CCNB3: variants seen among roughly 807,000 people sequenced by gnomAD.
The protein encoded by CCNB3 is G2/mitotic-specific cyclin-B3.
A neutral mutation model predicts 68.0 loss-of-function variants in CCNB3; 12 were observed. That is an observed-to-expected ratio of 0.18 (90% confidence interval 0.11 to 0.29). The LOEUF is 0.29. Ranked by LOEUF, CCNB3 falls within the 10% of genes least tolerant of loss-of-function variation. The probability of loss-of-function intolerance (pLI) is 1.00; values close to 1 mark genes in which losing one functional copy is unlikely to be tolerated. For synonymous variants in CCNB3, 354 were observed against 388.9 expected (o/e 0.91, Z 1.06); for missense variants, 904 against 993.1 (o/e 0.91, Z 1.21).
intron 8 of CCNB3, among the ~76,000 whole-genome samples, chrX:50,340,651 G>A (rs1923075873): frequency 8.9e-6 from 1 of 112,034 alleles, no homozygotes; most frequent in African/African-American, 3.2e-5. Context: ...TCATATAAAG[G>A]TATTATCTAC....
intron 1 of CCNB3, among the ~76,000 whole-genome samples, chrX:50,213,981 A>G (rs1412345304): frequency 9.0e-6 from 1 of 111,581 alleles, no homozygotes; most frequent in East Asian, 2.8e-4. Context: ...CCATTACCAT[A>G]ATCAAGGTAG....
At chrX:50,328,137 A>G (rs985038443) in intron 8 of CCNB3, among the ~76,000 whole-genome samples, 10 of 111,905 alleles carry the variant, frequency 8.9e-5, no homozygotes, top group African/African-American at 2.9e-4. Flanking sequence ...ACCCAGTGAG[A>G]CTCATTTTGG....
At chrX:50,302,125 C>T (rs1378605820) in intron 5 of CCNB3, among the ~76,000 whole-genome samples, 7 of 112,377 alleles carry the variant, frequency 6.2e-5, no homozygotes, top group Middle Eastern at 4.6e-3. Flanking sequence ...GTGCATGGTG[C>T]GCTGCACCCA....
At chrX:50,351,177 A>G in intron 11 of CCNB3, 64 bp from the exon 12 acceptor site, 1 of 1,167,411 alleles carries the variant, frequency 8.6e-7, no homozygotes. Context: ...GACTTGGGAT[A>G]GCAGAGATGG....
chrX:50,207,760 T>C (rs1935394667), intron 1 of CCNB3, among the ~76,000 whole-genome samples: 1 of 112,231 alleles, frequency 8.9e-6, no homozygotes, highest in Non-Finnish European at 1.9e-5. Context: ...GAAATATGAT[T>C]CATATACCAT....
At chrX:50,350,685 C>T (rs1056446039) in intron 11 of CCNB3, among the ~76,000 whole-genome samples, 2 of 108,432 alleles carry the variant, frequency 1.8e-5, no homozygotes, top group Admixed American at 9.9e-5. Context: ...CATCTGTGAC[C>T]AGGGCTAATA....
intron 8 of CCNB3, among the ~76,000 whole-genome samples, chrX:50,326,102 A>G (rs1467043261): frequency 8.9e-6 from 1 of 111,761 alleles, no homozygotes; most frequent in Admixed American, 9.5e-5. Flanking sequence ...GATCTATGAC[A>G]TTCTTTTAAA....
intron 8 of CCNB3, among the ~76,000 whole-genome samples, chrX:50,316,306 C>G (rs1300585194): frequency 9.0e-6 from 1 of 111,540 alleles, no homozygotes; most frequent in Admixed American, 9.5e-5. Context: ...TATAAATTAC[C>G]CAGTCTCAGG....
At chrX:50,212,444 TA>T (rs1293401899) in intron 1 of CCNB3, among the ~76,000 whole-genome samples, 4 of 112,025 alleles carry the variant, frequency 3.6e-5, no homozygotes, top group African/African-American at 1.3e-4. Context: ...CTCTTCAATG[TA>T]ACAGTTTTTA....
intron 11 of CCNB3, 118 bp from the exon 12 acceptor site, chrX:50,351,123 T>C: frequency 8.9e-6 from 7 of 790,947 alleles, no homozygotes; most frequent in Non-Finnish European, 1.3e-5. Context: ...GTCTTTGAAA[T>C]GTTTTGAATG....
At chrX:50,350,248 T>TACACACACACACACAC (rs35500925) in intron 11 of CCNB3, among the ~76,000 whole-genome samples, 29 of 95,236 alleles carry the variant, frequency 3.0e-4, no homozygotes, top group African/African-American at 1.0e-3. Context: ...CATACACAAA[T>TACACACACACACACAC]ACACACACAC....
At chrX:50,347,274 G>A (rs17003327) in intron 10 of CCNB3, among the ~76,000 whole-genome samples, 2,538 of 110,072 alleles carry the variant, frequency 0.023, 65 homozygotes, top group African/African-American at 0.081. Context: ...GTTGTTTTGA[G>A]GTATGGAACA....
chrX:50,308,837 C>A lies in CCNB3; in HGVS notation c.668C>A (p.Ala223Asp). The change falls in exon 6 of 13, where the codon GCC becomes GAC. Residue 223 changes from alanine (A) to aspartate (D), a missense_variant. Ala to Asp is a moderately radical substitution (Grantham distance 126). Transcript: ENST00000376042. ...FKKTHKTEEAAITKKTLSLKK... is the reference protein window; with the variant it reads ...FKKTHKTEEADITKKTLSLKK... ...AAGACACATAAAACTGAGGAGGCAG[C>A]CATCACCAAGAAGACATTATCCTTA... 8.3e-7 allele frequency: 1 copy of A among 1,210,620 alleles called. No individual in the cohort carries two copies. The highest frequency in any genetic ancestry group is 1.1e-6 in the Non-Finnish European group (1 of 895,003).
intron 1 of CCNB3, among the ~76,000 whole-genome samples, chrX:50,228,403 T>C (rs1361420220): frequency 5.6e-5 from 5 of 88,754 alleles, no homozygotes; most frequent in Non-Finnish European, 1.1e-4. Flanking sequence ...TAAATATATA[T>C]AGAGGATATA....
chrX:50,203,959 T>C (rs1282670343), upstream of CCNB3, among the ~76,000 whole-genome samples: 1 of 111,696 alleles, frequency 9.0e-6, no homozygotes, highest in Non-Finnish European at 1.9e-5. Flanking sequence ...TTCCTTCCCC[T>C]GATTTCCTAG....
Position 50,309,523 on chromosome X carries a change from A to C in CCNB3, c.1354A>C (p.Lys452Gln), listed in dbSNP as rs1921283731. The C allele has an allele frequency of 1.5e-5, 18 of 1,209,717 alleles. No individual in the cohort carries two copies. Among genetic ancestry groups the C allele is most frequent in the Admixed American group, 2.2e-5 (1 of 45,695 alleles). The change falls in exon 6 of 13, where the codon AAG (lysine) becomes CAG (glutamine). Residue 452 changes from lysine to glutamine, a missense_variant. By Grantham distance (53) the Lys-to-Gln change is moderately conservative (BLOSUM62 1). Around this residue, in one of 2 missense-constraint regions of CCNB3, gnomAD observed 619 missense variants for 609.8 expected, o/e 1.02. Coordinates refer to ENST00000376042, the MANE Select transcript of CCNB3 (RefSeq NM_033031.3). Reference protein sequence around the residue: ...HTTQEEVSILKEPSSLLKSPT... With the variant: ...HTTQEEVSILQEPSSLLKSPT... ...CACTCAGGAGGAGGTTTCCATCTTAAAGGAGCCCTCGTCCTTGCTAAAGTC... is the reference window on the plus strand; with the variant it reads ...CACTCAGGAGGAGGTTTCCATCTTACAGGAGCCCTCGTCCTTGCTAAAGTC...
chrX:50,319,867 T>C (rs1921926057), intron 8 of CCNB3, among the ~76,000 whole-genome samples: 1 of 111,944 alleles, frequency 8.9e-6, no homozygotes, highest in Non-Finnish European at 1.9e-5. Flanking sequence ...CTGCATCTAT[T>C]GATTTTTTTT....
chrX:50,336,189 C>T (rs1288673800), intron 8 of CCNB3, among the ~76,000 whole-genome samples: 4 of 112,032 alleles, frequency 3.6e-5, no homozygotes, highest in Admixed American at 9.4e-5. Flanking sequence ...TCTTTTGCTC[C>T]GAATCACCTT....
At chrX:50,215,115 G>T (rs1935551185) in intron 1 of CCNB3, among the ~76,000 whole-genome samples, 2 of 109,917 alleles carry the variant, frequency 1.8e-5, no homozygotes, top group African/African-American at 6.6e-5. Flanking sequence ...TCAGCCTCCC[G>T]AGTAGCTGGG....
Sources: gnomAD v4.1 joint callset for allele counts (sites outside exome capture counted in the v4.1 genomes callset) on GRCh38, gnomAD v4.1.1 for gene constraint, gnomAD v4.1.1 regional missense constraint, MANE v1.5 for transcripts, NCBI Gene and HGNC (gene_info 2026-07-23, HGNC 2026-07-21) for gene names.